Variants in GPA33 observed in about 807,000 individuals in gnomAD.
GPA33 encodes cell surface A33 antigen.
GPA33 carries 27 observed loss-of-function variants against 35.6 expected under a neutral mutation model. The ratio of observed to expected loss-of-function variants is 0.76; its 90% CI spans 0.56 to 1.04. The LOEUF (loss-of-function observed/expected upper bound fraction) is 1.04. GPA33 is among the 50% of genes least tolerant of loss of function. The pLI is 0.00. For missense variants in GPA33, 428 were observed against 411.9 expected, an observed-to-expected ratio of 1.04 and a Z score of -0.34; for synonymous variants, 176 against 164.0, an observed-to-expected ratio of 1.07 and a Z score of -0.56.
At chr1:167,059,207 A>T (rs1558003231) in intron 4 of GPA33, among the ~76,000 whole-genome samples, 1 of 152,140 alleles carries the variant, frequency 6.6e-6, no homozygotes, top group Non-Finnish European at 1.5e-5. Context: ...GAACCAGTGC[A>T]GGTCTTGTGC....
At chr1:167,073,346 A>C (rs1374884068) in intron 2 of GPA33, 39 bp downstream of exon 2, 1 of 1,577,004 alleles carries the variant, frequency 6.3e-7, no homozygotes, top group African/African-American at 1.3e-5. Flanking sequence ...TCAGGTGATA[A>C]TCATTCCCAT....
At chr1:167,065,265 G>A (rs528787071) in intron 3 of GPA33, among the ~76,000 whole-genome samples, 23 of 152,332 alleles carry the variant, frequency 1.5e-4, no homozygotes, top group African/African-American at 2.9e-4. Flanking sequence ...CAGCTGTGAC[G>A]TGAAGGAAGC....
chr1:167,076,140 C>T (rs1388912446), intron 1 of GPA33, among the ~76,000 whole-genome samples: 3 of 152,290 alleles, frequency 2.0e-5, no homozygotes, highest in South Asian at 2.1e-4. Context: ...GAGGAGTTTA[C>T]GCCCTTTTTC....
rs397981830 is a variant in GPA33 at position 167,061,586 on chromosome 1, G to GTTTTTTTT, written c.571+1988_571+1995dup. ...TTAGGTCGAGTGGATTCTACTAACT[G>GTTTTTTTT]TTTTTTTTTTTTTTTTTTTTTTTTT... On this transcript the variant is annotated intron_variant, in intron 4 of 6. Transcript: ENST00000367868. Among the ~76,000 whole-genome samples, 12 of 74,652 alleles carry GTTTTTTTT rather than the reference G, an allele frequency of 1.6e-4. 2 individuals carry two copies. The highest frequency in any genetic ancestry group is 4.5e-4 in the African/African-American group (8 of 17,840). 49.0% of individuals were successfully genotyped at this position (74,652 alleles called of 152,430 possible).
intron 1 of GPA33, among the ~76,000 whole-genome samples, chr1:167,080,986 G>T (rs561489184): frequency 3.0e-4 from 46 of 152,200 alleles, no homozygotes; most frequent in Non-Finnish European, 4.7e-4. Context: ...AAGGACCAAA[G>T]GAGCCCCAGA....
chr1:167,066,354 A>G (rs1397394740), intron 3 of GPA33, among the ~76,000 whole-genome samples: 3 of 152,228 alleles, frequency 2.0e-5, no homozygotes, highest in Non-Finnish European at 4.4e-5. Flanking sequence ...ACCATTTTCT[A>G]AGGGAAAACT....
intron 1 of GPA33, chr1:167,078,756 C>A (rs1050581170): frequency 6.6e-6 from 1 of 152,156 alleles, no homozygotes; most frequent in African/African-American, 2.4e-5. Context: ...CTAGAATGCC[C>A]CTGTTGGAAC....
intron 3 of GPA33, among the ~76,000 whole-genome samples, chr1:167,067,230 C>T (rs1666617742): frequency 6.6e-6 from 1 of 152,018 alleles, no homozygotes; most frequent in African/African-American, 2.4e-5. Context: ...TCGATCACGG[C>T]TCATTGCAGC....
At chr1:167,082,181 CAG>C (rs138801199) in intron 1 of GPA33, 4,847 of 371,482 alleles carry the variant, frequency 0.013, 15 homozygotes, top group African/African-American at 0.03. Context: ...CAATCACAGA[CAG>C]AGAGAGAGAG....
rs562690999 is a variant in GPA33 at position 167,079,710 on chromosome 1, C to T, written c.44-6171G>A. Among the ~76,000 whole-genome samples the T allele has an allele frequency of 2.3e-4, 35 of 152,334 alleles. No homozygotes were observed. In the Middle Eastern group the frequency reaches 0.014, roughly 59 times the overall value. Reference sequence around the variant, plus strand: ...CCTTCATAGCTAGCCTAAATCCTTTCCACCCATTCAGTCAATATCCTCTTG... The same window carrying T: ...CCTTCATAGCTAGCCTAAATCCTTTTCACCCATTCAGTCAATATCCTCTTG... On this transcript the variant is annotated intron_variant, in intron 1 of 6. Transcript: ENST00000367868.
intron 1 of GPA33, among the ~76,000 whole-genome samples, chr1:167,083,477 T>C (rs1360779743): frequency 6.6e-6 from 1 of 152,168 alleles, no homozygotes; most frequent in Non-Finnish European, 1.5e-5. Context: ...GGCTGCTGGG[T>C]GCCTGTGTCC....
intron 4 of GPA33, among the ~76,000 whole-genome samples, chr1:167,058,085 G>A (rs1218884650): frequency 6.6e-6 from 1 of 152,196 alleles, no homozygotes; most frequent in Non-Finnish European, 1.5e-5. Flanking sequence ...TCTAGTCCCA[G>A]GTACTTGGGA....
chr1:167,085,280 G>T (rs1298480956), intron 1 of GPA33, among the ~76,000 whole-genome samples: 1 of 152,208 alleles, frequency 6.6e-6, no homozygotes, highest in Non-Finnish European at 1.5e-5. Context: ...CAAGGCCAGA[G>T]ATGTAGGAGG....
intron 4 of GPA33, among the ~76,000 whole-genome samples, chr1:167,059,766 G>GT (rs765859750): frequency 5.9e-5 from 9 of 152,160 alleles, no homozygotes; most frequent in Admixed American, 1.3e-4. Flanking sequence ...GGGAATCCCA[G>GT]TTTTTTTCAA....
chr1:167,088,544 TTCA>T (rs1193479872), intron 1 of GPA33, among the ~76,000 whole-genome samples: 16 of 152,134 alleles, frequency 1.1e-4, no homozygotes, highest in African/African-American at 3.9e-4. Flanking sequence ...TAGAAGACAC[TTCA>T]TCAGTGTGTC....
At position 167,052,976 on chromosome 1, in the gene GPA33, CA is replaced by C. The variant is rs1474292029; in HGVS notation, c.*1357del. 6.6e-6 allele frequency: 1 copy of C among 152,060 alleles called. No individual in the cohort carries two copies. Among genetic ancestry groups the C allele is most frequent in the Non-Finnish European group, 1.5e-5 (1 of 68,020 alleles). 9.4% of individuals were successfully genotyped at this position (152,060 alleles called of 1,614,324 possible). A position where few individuals can be genotyped will look rare whatever the true frequency, so the allele number is the denominator to read the frequency against. On this transcript the variant is annotated 3_prime_UTR_variant, in exon 7 of 7. Transcript: ENST00000367868. ...TTATGGAATTATTTTTCTGATCATC[CA>C]GAAAAGATAGCAATAGTAAACTGCA... is the stretch of plus-strand genomic sequence containing the variant.
chr1:167,056,919 G>GATGAGT (rs1305604817), intron 4 of GPA33, among the ~76,000 whole-genome samples: 1 of 108,768 alleles, frequency 9.2e-6, no homozygotes. Context: ...TGGTGTGTGT[G>GATGAGT]GTGTGTACTG....
intron 4 of GPA33, among the ~76,000 whole-genome samples, chr1:167,059,503 C>G (rs952884873): frequency 4.6e-5 from 7 of 152,008 alleles, no homozygotes; most frequent in African/African-American, 7.2e-5. Flanking sequence ...AATCCTGTAG[C>G]TTGTCGACAA....
chr1:167,059,654 G>T (rs1427962109), intron 4 of GPA33, among the ~76,000 whole-genome samples: 1 of 151,748 alleles, frequency 6.6e-6, no homozygotes, highest in African/African-American at 2.4e-5. Flanking sequence ...CCAAATTCCT[G>T]TTTCTTCAGT....
Sources: allele counts gnomAD v4.1 joint callset (sites outside exome capture counted in the v4.1 genomes callset), GRCh38; gene constraint gnomAD v4.1.1; transcripts MANE v1.5; gene names NCBI Gene and HGNC (gene_info 2026-07-23, HGNC 2026-07-21).